The following CASK variants were observed in gnomAD, a reference collection of about 807,000 sequenced individuals.
CASK encodes peripheral plasma membrane protein CASK.
A neutral mutation model predicts 82.9 loss-of-function variants in CASK; 4 were observed. That is an observed-to-expected ratio of 0.05 (90% CI 0.02 to 0.11). The LOEUF (loss-of-function observed/expected upper bound fraction) is 0.11. Among genes scored for constraint, CASK ranks in the 10% least tolerant of loss-of-function variants. The pLI, the probability that CASK is intolerant of heterozygous loss-of-function variation, is 1.00. For missense variants in CASK, 358 were observed against 720.9 expected, an observed-to-expected ratio of 0.50 and a Z score of 5.76; for synonymous variants, 259 against 253.5, an observed-to-expected ratio of 1.02 and a Z score of -0.20.
At chrX:41,550,821 G>T (rs1392947225) in intron 21 of CASK, among the ~76,000 whole-genome samples, 1 of 110,804 alleles carries the variant, frequency 9.0e-6, no homozygotes, top group Non-Finnish European at 1.9e-5. Context: ...TGAGGTGGGT[G>T]GATTGCTTGG....
chrX:41,803,600 A>G (rs1378753740), intron 2 of CASK, among the ~76,000 whole-genome samples: 3 of 111,554 alleles, frequency 2.7e-5, no homozygotes, highest in Non-Finnish European at 5.6e-5. Flanking sequence ...AAAAACAACA[A>G]CAACAAAAAA....
intron 2 of CASK, among the ~76,000 whole-genome samples, chrX:41,815,099 AAAG>A (rs1186690410): frequency 5.4e-5 from 6 of 111,347 alleles, no homozygotes; most frequent in African/African-American, 2.0e-4. Context: ...AGGGTACTGA[AAAG>A]AAGGGACTGA....
At chrX:41,600,837 T>G (rs1361324740) in intron 12 of CASK, among the ~76,000 whole-genome samples, 1 of 111,953 alleles carries the variant, frequency 8.9e-6, no homozygotes, top group African/African-American at 3.2e-5. Context: ...AGTACATAAT[T>G]ATCAACCACA....
chrX:41,660,124 C>A, intron 8 of CASK: 1 of 328,632 alleles, frequency 3.0e-6, no homozygotes, highest in Non-Finnish European at 5.3e-6. Flanking sequence ...TTTATTATAA[C>A]ATGGTATTAC....
chrX:41,803,927 TTTG>T (rs2070057377), intron 2 of CASK, among the ~76,000 whole-genome samples: 2 of 112,057 alleles, frequency 1.8e-5, no homozygotes, highest in Admixed American at 9.4e-5. Flanking sequence ...ACACTGCTTT[TTTG>T]TTGTTAGAAG....
chrX:41,546,928 ATTAT>A (rs970332406), intron 21 of CASK, among the ~76,000 whole-genome samples: 40 of 108,595 alleles, frequency 3.7e-4, no homozygotes, highest in African/African-American at 1.3e-3. Flanking sequence ...TTATTTTTTT[ATTAT>A]TTATTTATTT....
At chrX:41,660,203 TA>T (rs2067011072) in intron 8 of CASK, 1 of 432,171 alleles carries the variant, frequency 2.3e-6, no homozygotes, top group African/African-American at 2.5e-5. Flanking sequence ...TCCCCTGATA[TA>T]TTCTGTCTTA....
chrX:41,601,758 A>C (rs777742647), intron 12 of CASK, among the ~76,000 whole-genome samples: 2 of 111,505 alleles, frequency 1.8e-5, no homozygotes, highest in African/African-American at 6.5e-5. Context: ...TTCTTTTAAA[A>C]GTTTTATAGT....
At chrX:41,707,322 G>A (rs2067902179) in intron 5 of CASK, among the ~76,000 whole-genome samples, 1 of 112,042 alleles carries the variant, frequency 8.9e-6, no homozygotes, top group Non-Finnish European at 1.9e-5. Context: ...GGAGAGAGGG[G>A]CACAGCCTGC....
intron 9 of CASK, among the ~76,000 whole-genome samples, chrX:41,635,064 T>C (rs1357286126): frequency 8.9e-6 from 1 of 112,137 alleles, no homozygotes; most frequent in East Asian, 2.8e-4. Flanking sequence ...GATCCTTCTG[T>C]AATGATGGAA....
At chrX:41,892,326 A>T (rs764352287) in intron 1 of CASK, among the ~76,000 whole-genome samples, 2 of 109,049 alleles carry the variant, frequency 1.8e-5, no homozygotes, top group Non-Finnish European at 3.8e-5. Context: ...TGCTGCTGAA[A>T]AAACAGGTTC....
At chrX:41,825,711 T>C (rs2070649729) in intron 2 of CASK, among the ~76,000 whole-genome samples, 1 of 111,698 alleles carries the variant, frequency 9.0e-6, no homozygotes, top group Non-Finnish European at 1.9e-5. Flanking sequence ...ACCTGTCTTT[T>C]CAGATAATTT....
intron 5 of CASK, among the ~76,000 whole-genome samples, chrX:41,733,391 G>A (rs1192656777): frequency 1.8e-5 from 2 of 110,992 alleles, no homozygotes; most frequent in Admixed American, 9.6e-5. Context: ...AAAACTGAAC[G>A]TGCACATTAT....
At chrX:41,702,622 C>T (rs1294044304) in intron 5 of CASK, among the ~76,000 whole-genome samples, 2 of 109,137 alleles carry the variant, frequency 1.8e-5, no homozygotes, top group Non-Finnish European at 3.8e-5. Context: ...GGTGAAACCC[C>T]GTCTCTACTA....
intron 5 of CASK, among the ~76,000 whole-genome samples, chrX:41,700,587 T>G (rs1446612386): frequency 1.0e-5 from 1 of 100,374 alleles, no homozygotes; most frequent in Admixed American, 1.1e-4. Context: ...GACTTTTTTT[T>G]TTTTTTTTTT....
At chrX:41,591,803 T>G (rs1333899840) in intron 12 of CASK, among the ~76,000 whole-genome samples, 4 of 111,324 alleles carry the variant, frequency 3.6e-5, no homozygotes, top group African/African-American at 1.3e-4. Context: ...ACTTTAAGAT[T>G]TGTTGAGAGG....
chrX:41,612,654 G>T (rs1469999704), intron 11 of CASK, among the ~76,000 whole-genome samples: 1 of 93,195 alleles, frequency 1.1e-5, no homozygotes. Context: ...GGAGGGAGGT[G>T]GGGGGGTCAG....
intron 11 of CASK, 48 bp from the exon 12 acceptor site, chrX:41,610,073 T>TC: frequency 8.6e-7 from 1 of 1,169,012 alleles, no homozygotes; most frequent in Non-Finnish European, 1.2e-6. Context: ...AAAGTCAATG[T>TC]CAAACTAACT....
chrX:41,725,152 A>G (rs2068237376), intron 5 of CASK, among the ~76,000 whole-genome samples: 1 of 112,014 alleles, frequency 8.9e-6, no homozygotes, highest in South Asian at 3.6e-4. Flanking sequence ...AATAGCAAAG[A>G]AATAAAATTA....
Sources: gnomAD v4.1 joint callset for allele counts (sites outside exome capture counted in the v4.1 genomes callset) on GRCh38, gnomAD v4.1.1 for gene constraint, MANE v1.5 for transcripts, NCBI Gene and HGNC (gene_info 2026-07-23, HGNC 2026-07-21) for gene names.